Variants in MPPED2 observed in about 807,000 individuals in gnomAD.
The protein encoded by MPPED2 is metallophosphoesterase MPPED2.
MPPED2 carries 5 observed loss-of-function variants against 33.0 expected under a neutral mutation model. The ratio of observed to expected loss-of-function variants is 0.15; its 90% CI spans 0.08 to 0.32. MPPED2 has a LOEUF of 0.32. MPPED2 is among the 10% of genes least tolerant of loss of function. The pLI, the probability that MPPED2 is intolerant of heterozygous loss-of-function variation, is 1.00. For missense variants in MPPED2, 275 were observed against 372.1 expected (o/e 0.74, Z 2.15); for synonymous variants, 136 against 141.9 (o/e 0.96, Z 0.29).
chr11:30,566,572 G>A (rs2134766104), intron 2 of MPPED2, among the ~76,000 whole-genome samples: 1 of 152,266 alleles, frequency 6.6e-6, no homozygotes, highest in Non-Finnish European at 1.5e-5. Context: ...CTCTCAAAAT[G>A]AATGAGTGAT....
At chr11:30,401,220 A>G (rs1389399197) in intron 6 of MPPED2, among the ~76,000 whole-genome samples, 1 of 152,242 alleles carries the variant, frequency 6.6e-6, no homozygotes, top group Non-Finnish European at 1.5e-5. Context: ...AAAACAGAAC[A>G]GCACCACTGA....
chr11:30,565,418 T>G (rs1242108525), intron 2 of MPPED2, among the ~76,000 whole-genome samples: 4 of 152,150 alleles, frequency 2.6e-5, no homozygotes, highest in Non-Finnish European at 5.9e-5. Flanking sequence ...CCTCAATTAC[T>G]AAACCATAAT....
At chr11:30,470,609 T>A (rs747615094) in intron 4 of MPPED2, among the ~76,000 whole-genome samples, 1 of 152,198 alleles carries the variant, frequency 6.6e-6, no homozygotes, top group East Asian at 1.9e-4. Flanking sequence ...ACATGAATTA[T>A]ATCTCTACAA....
At chr11:30,482,266 T>C (rs954677393) in intron 4 of MPPED2, among the ~76,000 whole-genome samples, 8 of 152,232 alleles carry the variant, frequency 5.3e-5, no homozygotes, top group Non-Finnish European at 8.8e-5. Flanking sequence ...GTTTTTATAA[T>C]GCAATGATCC....
chr11:30,446,439 G>C (rs1461954884), intron 4 of MPPED2, among the ~76,000 whole-genome samples: 1 of 152,000 alleles, frequency 6.6e-6, no homozygotes, highest in Non-Finnish European at 1.5e-5. Context: ...CCAGATGTTA[G>C]TAGGCATGCT....
At chr11:30,452,590 G>T (rs1477616599) in intron 4 of MPPED2, among the ~76,000 whole-genome samples, 1 of 152,144 alleles carries the variant, frequency 6.6e-6, no homozygotes, top group East Asian at 1.9e-4. Context: ...ACACCTCTGG[G>T]GGTAAGGTAT....
At chr11:30,512,922 A>G (rs1268577438) in intron 3 of MPPED2, among the ~76,000 whole-genome samples, 1 of 152,042 alleles carries the variant, frequency 6.6e-6, no homozygotes, top group Non-Finnish European at 1.5e-5. Flanking sequence ...AATAGCTTGA[A>G]TCGGGGGGCA....
At chr11:30,477,041 A>G (rs1360512574) in intron 4 of MPPED2, among the ~76,000 whole-genome samples, 1 of 152,124 alleles carries the variant, frequency 6.6e-6, no homozygotes, top group African/African-American at 2.4e-5. Flanking sequence ...TTATGAAAAC[A>G]TACAATTGGT....
At chr11:30,564,197 C>T (rs1314407914) in intron 2 of MPPED2, among the ~76,000 whole-genome samples, 1 of 152,038 alleles carries the variant, frequency 6.6e-6, no homozygotes, top group Non-Finnish European at 1.5e-5. Flanking sequence ...TCTAATTGAC[C>T]CCAAGGTAAT....
chr11:30,536,237 C>T (rs1027898098), intron 2 of MPPED2, 62 bp from the exon 3 acceptor site: 13 of 1,350,774 alleles, frequency 9.6e-6, no homozygotes, highest in South Asian at 3.8e-5. Flanking sequence ...AAATTGTCGT[C>T]GCACATACAT....
At chr11:30,547,616 A>G (rs1316566608) in intron 2 of MPPED2, among the ~76,000 whole-genome samples, 1 of 152,210 alleles carries the variant, frequency 6.6e-6, no homozygotes, top group African/African-American at 2.4e-5. Context: ...ATGAAAAGCA[A>G]TGCAAATAAT....
exon 7 of MPPED2, chr11:30,386,879 C>A: frequency 2.5e-6 from 1 of 397,798 alleles, no homozygotes; most frequent in South Asian, 1.3e-4. Context: ...TAATAATAGC[C>A]AACACTTATT....
chr11:30,410,855 ACCACAATAGGAAT>A lies in MPPED2; in HGVS notation c.*600_*612del. ...CAAACAAACAATGAGACCTTGTATA[ACCACAATAGGAAT>A]CTCACTAGTTAAACCATCCTTTAAA... On this transcript the variant is annotated 3_prime_UTR_variant, in exon 7 of 7. Coordinates refer to ENST00000358117, the MANE Select transcript of MPPED2 (RefSeq NM_001584.3). 2.0e-6 allele frequency: 2 copies of A among 985,814 alleles called. No homozygotes were observed. Among genetic ancestry groups the A allele is most frequent in the Non-Finnish European group, 2.4e-6 (2 of 829,902 alleles). The allele number at this position is 985,814 out of a possible 1,614,324, so 61.1% of individuals were successfully genotyped here.
At chr11:30,492,127 G>C (rs1017758743) in intron 4 of MPPED2, among the ~76,000 whole-genome samples, 2 of 152,194 alleles carry the variant, frequency 1.3e-5, no homozygotes, top group African/African-American at 4.8e-5. Flanking sequence ...ATCCAGTTCA[G>C]ATATAAACTT....
intron 3 of MPPED2, among the ~76,000 whole-genome samples, chr11:30,532,123 T>G (rs1954559799): frequency 6.6e-6 from 1 of 152,248 alleles, no homozygotes; most frequent in African/African-American, 2.4e-5. Context: ...ACACATGTAA[T>G]GCAGGGGTAC....
intron 6 of MPPED2, among the ~76,000 whole-genome samples, chr11:30,393,466 C>A (rs1947804310): frequency 6.6e-6 from 1 of 152,122 alleles, no homozygotes; most frequent in African/African-American, 2.4e-5. Context: ...TATCTCAAAC[C>A]AAATCAGCTC....
At chr11:30,433,279 T>G (rs548961842) in intron 4 of MPPED2, among the ~76,000 whole-genome samples, 2 of 152,370 alleles carry the variant, frequency 1.3e-5, no homozygotes, top group Non-Finnish European at 2.9e-5. Flanking sequence ...TGAGATACCC[T>G]GCAGAAAAGA....
intron 3 of MPPED2, among the ~76,000 whole-genome samples, chr11:30,505,324 T>C (rs1388439875): frequency 6.6e-6 from 1 of 152,154 alleles, no homozygotes; most frequent in African/African-American, 2.4e-5. Context: ...TTCACGCTTA[T>C]ATATATTTTT....
chr11:30,489,450 A>C (rs1951878067), intron 4 of MPPED2, among the ~76,000 whole-genome samples: 2 of 152,276 alleles, frequency 1.3e-5, no homozygotes. Flanking sequence ...TAAATGAATG[A>C]ATGAATTCAA....
Sources: gnomAD v4.1 joint callset for allele counts (sites outside exome capture counted in the v4.1 genomes callset) on GRCh38, gnomAD v4.1.1 for gene constraint, MANE v1.5 for transcripts, NCBI Gene and HGNC (gene_info 2026-07-23, HGNC 2026-07-21) for gene names.